Variants in TAF4 observed in about 807,000 individuals in gnomAD.
TAF4 encodes the protein transcription initiation factor TFIID subunit 4.
In TAF4, 9 loss-of-function variants were observed where a neutral mutation model predicts 90.3. That is an observed-to-expected ratio of 0.10 (90% CI 0.06 to 0.17). TAF4 has a LOEUF of 0.17. Ranked by LOEUF, TAF4 falls within the 10% of genes least tolerant of loss-of-function variation. The probability of loss-of-function intolerance (pLI) is 1.00; values close to 1 mark genes in which losing one functional copy is unlikely to be tolerated. For missense variants in TAF4, 1,351 were observed against 1,370.7 expected (o/e 0.99, Z 0.23); for synonymous variants, 818 against 638.9 (o/e 1.28, Z -4.23).
chr20:62,034,827 C>CTTTTCTTTTTTTTTTTTT (rs555793597), intron 1 of TAF4, among the ~76,000 whole-genome samples: 94 of 141,808 alleles, frequency 6.6e-4, no homozygotes, highest in African/African-American at 1.9e-3. Context: ...TCATAGATTT[C>CTTTTCTTTTTTTTTTTTT]TTTTTTTTTT....
At chr20:62,052,559 G>A (rs2056035353) in intron 1 of TAF4, among the ~76,000 whole-genome samples, 1 of 151,016 alleles carries the variant, frequency 6.6e-6, no homozygotes, top group African/African-American at 2.4e-5. Flanking sequence ...TGCCTCCCCT[G>A]CATCACTAGA....
chr20:62,007,809 C>T (rs1176694432), intron 5 of TAF4, 173 bp from the exon 6 acceptor site: 3 of 595,786 alleles, frequency 5.0e-6, no homozygotes, highest in Admixed American at 6.6e-5. Context: ...GTGTGACAGG[C>T]GCTCACCCTG....
At chr20:62,030,061 C>T (rs73152429) in intron 1 of TAF4, among the ~76,000 whole-genome samples, 2,124 of 152,292 alleles carry the variant, frequency 0.014, 22 homozygotes, top group Non-Finnish European at 0.02. Context: ...GGAGGAAAGA[C>T]GCACAATGCC....
At chr20:62,044,507 C>T (rs1010063747) in intron 1 of TAF4, among the ~76,000 whole-genome samples, 1 of 152,092 alleles carries the variant, frequency 6.6e-6, no homozygotes, top group Non-Finnish European at 1.5e-5. Context: ...AAAAAAGGAT[C>T]ATTTCAGTGG....
intron 14 of TAF4, among the ~76,000 whole-genome samples, chr20:61,993,432 C>T (rs1490085244): frequency 6.6e-6 from 1 of 152,194 alleles, no homozygotes; most frequent in Non-Finnish European, 1.5e-5. Context: ...GGACACACCC[C>T]AGGCCAAACG....
In TAF4 at chr20:61,994,244, G is replaced by A. The variant is rs183165353; in HGVS notation, c.3090+3306C>T. On this transcript the variant is annotated intron_variant, in intron 14 of 14. Transcript: ENST00000252996. ...CTTGGTATACAACTACATTTTCAGC[G>A]TGGGCTGCGGGCCTCACAGCCAGTG... 3.7e-3 allele frequency among the ~76,000 whole-genome samples: 560 copies of A among 152,290 alleles called. 1 individual carries two copies. The highest frequency in any genetic ancestry group is 6.0e-3 in the Non-Finnish European group (410 of 68,036).
intron 14 of TAF4, among the ~76,000 whole-genome samples, chr20:61,987,605 C>G (rs1346540824): frequency 1.3e-5 from 2 of 152,176 alleles, no homozygotes. Context: ...GAAACAGGAC[C>G]CTCAGCCGTG....
chr20:62,028,174 G>A (rs760938612), intron 1 of TAF4, among the ~76,000 whole-genome samples: 38 of 152,176 alleles, frequency 2.5e-4, no homozygotes, highest in African/African-American at 7.5e-4. Flanking sequence ...AAGGGGGGCC[G>A]GTCAGAGTGA....
Position 62,003,719 on chromosome 20 carries a change from C to A in TAF4, c.2371+12G>T, listed in dbSNP as rs41284982. 6 of 1,574,412 alleles carry A rather than the reference C, an allele frequency of 3.8e-6. No individual in the cohort carries two copies. In the South Asian group the frequency reaches 6.9e-5, roughly 18 times the overall value. ...TTGGTGTTGAGCGGCCAGGGGCCCG[C>A]GAGGCCCTCACCTGGCTGCAGTGGG... On this transcript the variant is annotated intron_variant, in intron 8 of 14. Transcript: ENST00000252996.
At chr20:61,990,741 G>A (rs6089303) in intron 14 of TAF4, among the ~76,000 whole-genome samples, 66,187 of 152,056 alleles carry the variant, frequency 0.44, 15,827 homozygotes, top group Middle Eastern at 0.58. Context: ...TACTGAGCAG[G>A]ACAGGGACAA....
At chr20:62,061,869 A>G (rs1017772832) in intron 1 of TAF4, among the ~76,000 whole-genome samples, 4 of 152,260 alleles carry the variant, frequency 2.6e-5, no homozygotes, top group African/African-American at 7.2e-5. Flanking sequence ...CTGACAAAGA[A>G]TATCATGACA....
In TAF4 at chr20:62,043,703, C is replaced by T. The variant is rs984709885; in HGVS notation, c.1360+20748G>A. 9.2e-5 allele frequency among the ~76,000 whole-genome samples: 14 copies of T among 152,178 alleles called. 1 individual carries two copies. The highest frequency in any genetic ancestry group is 3.9e-4 in the Admixed American group (6 of 15,276). ...CTCACTATCGTGTTACAACTGTACA[C>T]GTCACAAGCCATGCAGGTTTACAGC... On this transcript the variant is annotated intron_variant, in intron 1 of 14. Transcript: ENST00000252996.
chr20:62,046,164 C>G (rs1009467840), intron 1 of TAF4, among the ~76,000 whole-genome samples: 1 of 152,172 alleles, frequency 6.6e-6, no homozygotes, highest in Non-Finnish European at 1.5e-5. Context: ...TTTCCTTCCC[C>G]GAAACACCAC....
At chr20:62,019,303 G>C (rs537319840) in intron 1 of TAF4, among the ~76,000 whole-genome samples, 24 of 152,260 alleles carry the variant, frequency 1.6e-4, no homozygotes, top group African/African-American at 5.3e-4. Flanking sequence ...CCACCCGCCC[G>C]AGTTCCCTGC....
intron 1 of TAF4, among the ~76,000 whole-genome samples, chr20:62,037,033 G>C (rs2055936271): frequency 1.3e-5 from 2 of 152,208 alleles, no homozygotes; most frequent in South Asian, 4.1e-4. Flanking sequence ...TGTGAGAAAT[G>C]AATTTCCGGT....
intron 1 of TAF4, among the ~76,000 whole-genome samples, chr20:62,063,966 G>A (rs527678626): frequency 1.9e-4 from 29 of 152,330 alleles, no homozygotes; most frequent in African/African-American, 4.8e-4. Context: ...GTCACCAAGG[G>A]GCAGAAAGGC....
chr20:61,992,765 G>GT (rs576181660), intron 14 of TAF4, among the ~76,000 whole-genome samples: 316 of 152,294 alleles, frequency 2.1e-3, no homozygotes, highest in Middle Eastern at 6.8e-3. Flanking sequence ...CAGGAAAGGT[G>GT]TAAGGTGAGC....
intron 1 of TAF4, among the ~76,000 whole-genome samples, chr20:62,031,232 G>A (rs1386483884): frequency 1.3e-5 from 2 of 152,150 alleles, no homozygotes; most frequent in African/African-American, 4.8e-5. Context: ...GTCCAAGGTC[G>A]GAACGTGGCC....
chr20:61,987,155 G>A lies in TAF4; in HGVS notation c.3090+10395C>T, dbSNP rs77798347. On this transcript the variant is annotated intron_variant, in intron 14 of 14. Coordinates refer to ENST00000252996, the MANE Select transcript of TAF4 (RefSeq NM_003185.4). ...GCTCTGAGGACACGCCAGCCGGCCC[G>A]CGGCATTCTAACTGAGATTCTACAG... 9.2e-3 allele frequency among the ~76,000 whole-genome samples: 1,405 copies of A among 152,296 alleles called. 9 individuals carry two copies. The highest frequency in any genetic ancestry group is 0.038 in the South Asian group (184 of 4,820).
Sources: gnomAD v4.1 joint callset for allele counts (sites outside exome capture counted in the v4.1 genomes callset) on GRCh38, gnomAD v4.1.1 for gene constraint, MANE v1.5 for transcripts, NCBI Gene and HGNC (gene_info 2026-07-23, HGNC 2026-07-21) for gene names.